BCL11B: variants seen among roughly 807,000 people sequenced by gnomAD.
The protein encoded by BCL11B is BCL11 transcription factor B.
A neutral mutation model predicts 49.9 loss-of-function variants in BCL11B; 8 were observed. The observed-to-expected ratio is 0.16, with a 90% CI of 0.09 to 0.29. The LOEUF is 0.29. Among genes scored for constraint, BCL11B ranks in the 10% least tolerant of loss-of-function variants. The pLI, the probability that BCL11B is intolerant of heterozygous loss-of-function variation, is 1.00. For missense variants in BCL11B, 1,006 were observed against 1,351.0 expected, an observed-to-expected ratio of 0.74 and a Z score of 4.00; for synonymous variants, 739 against 637.4, an observed-to-expected ratio of 1.16 and a Z score of -2.40.
chr14:99,238,432 C>T lies in BCL11B; in HGVS notation c.428-6875G>A, dbSNP rs116826778. On this transcript the variant is annotated intron_variant, in intron 2 of 3. Coordinates refer to ENST00000357195, the MANE Select transcript of BCL11B (RefSeq NM_138576.4). The stretch of plus-strand genomic sequence containing the variant: ...CCTCAAGATGCAGGCAGCTGAAATA[C>T]TCCAGGGCTGCTGATCCCCTTTCTG... 2.8e-3 allele frequency among the ~76,000 whole-genome samples: 429 copies of T among 152,304 alleles called. 2 individuals are homozygous for T. The highest frequency in any genetic ancestry group is 9.9e-3 in the African/African-American group (412 of 41,562).
At chr14:99,200,106 G>A (rs959634822) in intron 3 of BCL11B, among the ~76,000 whole-genome samples, 2 of 151,444 alleles carry the variant, frequency 1.3e-5, no homozygotes, top group Admixed American at 6.6e-5. Flanking sequence ...AGGGACTCTC[G>A]TCTTTTTTTT....
chr14:99,216,056 C>T lies in BCL11B; in HGVS notation c.640+15289G>A, dbSNP rs1026640456. Among the ~76,000 whole-genome samples, 16 of 152,282 alleles carry T rather than the reference C, an allele frequency of 1.1e-4. No homozygotes were observed. The East Asian group carries it at 2.3e-3, about 22-fold the overall frequency. On this transcript the variant is annotated intron_variant, in intron 3 of 3. Coordinates refer to ENST00000357195, the MANE Select transcript of BCL11B (RefSeq NM_138576.4). The stretch of plus-strand genomic sequence containing the variant: ...ATAATAATAATCATAGTTATAACAA[C>T]GATAAAAAGATAGCAGTAATGCCTG...
intron 1 of BCL11B, among the ~76,000 whole-genome samples, chr14:99,269,520 C>G (rs921633280): frequency 1.5e-5 from 2 of 131,310 alleles, no homozygotes; most frequent in South Asian, 2.4e-4. Flanking sequence ...TCTATTCCCC[C>G]CCCCCCAAAA....
At chr14:99,198,039 T>C (rs183188129) in intron 3 of BCL11B, among the ~76,000 whole-genome samples, 18 of 152,296 alleles carry the variant, frequency 1.2e-4, no homozygotes, top group African/African-American at 3.6e-4. Flanking sequence ...CCCTGATCCA[T>C]CGAAGGGCTG....
In BCL11B at chr14:99,205,995, G is replaced by C. The variant is rs56136956; in HGVS notation, c.640+25350C>G. ...AAGTACCCCCGATACCCTCAACAGA[G>C]GACCGAGGCTTTGGGGAAGGAACAC... On this transcript the variant is annotated intron_variant, in intron 3 of 3. Transcript: ENST00000357195. The surrounding 1 kb of genome is among the most constrained non-coding windows in gnomAD (Gnocchi z 5.0). Among the ~76,000 whole-genome samples, 57 of 152,272 alleles carry C rather than the reference G, an allele frequency of 3.7e-4. No individual in the cohort carries two copies. The highest frequency in any genetic ancestry group is 2.1e-3 in the East Asian group (11 of 5,152).
chr14:99,257,591 G>C lies in BCL11B; in HGVS notation c.307C>G (p.Arg103Gly), dbSNP rs201749852. 1.2e-6 allele frequency: 2 copies of C among 1,614,102 alleles called. No individual in the cohort carries two copies. Among genetic ancestry groups the C allele is most frequent in the Non-Finnish European group, 1.7e-6 (2 of 1,179,994 alleles). Residue 103 changes from arginine to glycine, a missense_variant, in exon 2 of 4, where the codon CGC (arginine) becomes GGC (glycine). Coordinates refer to ENST00000357195, the MANE Select transcript of BCL11B (RefSeq NM_138576.4). This position sits in a 1 kb window ranked among gnomAD's most constrained non-coding sequence, Gnocchi z 6.2. ...LDKDSPPPSS[R>G]SELRKVSEPV... Reference sequence around the variant, plus strand: ...TCGGACACTTTCCTGAGCTCGGAGCGTGAGGAGGGTGGCGGGCTGTCCTTG... The same window carrying C: ...TCGGACACTTTCCTGAGCTCGGAGCCTGAGGAGGGTGGCGGGCTGTCCTTG...
chr14:99,230,575 C>G (rs939571343), intron 3 of BCL11B, among the ~76,000 whole-genome samples: 4 of 152,206 alleles, frequency 2.6e-5, no homozygotes, highest in Admixed American at 1.3e-4. Flanking sequence ...TCCCAGAGAC[C>G]CTAGGCAGAA....
chr14:99,215,762 G>C (rs574211288), intron 3 of BCL11B, among the ~76,000 whole-genome samples: 1 of 152,332 alleles, frequency 6.6e-6, no homozygotes, highest in African/African-American at 2.4e-5. Flanking sequence ...GAGAGAGAAA[G>C]AGGGAGAAAA....
At chr14:99,214,913 C>T (rs73342736) in intron 3 of BCL11B, among the ~76,000 whole-genome samples, 1 of 152,174 alleles carries the variant, frequency 6.6e-6, no homozygotes, top group African/African-American at 2.4e-5. Flanking sequence ...AGCCATCTCC[C>T]GGCTGAAGAA....
At chr14:99,183,643 C>T (rs1010499783) in intron 3 of BCL11B, among the ~76,000 whole-genome samples, 5 of 152,036 alleles carry the variant, frequency 3.3e-5, no homozygotes, top group Admixed American at 2.6e-4. Context: ...GATGAGGGCT[C>T]GTCGTGGTAA....
At chr14:99,200,757 G>A (rs1367496186) in intron 3 of BCL11B, among the ~76,000 whole-genome samples, 1 of 152,330 alleles carries the variant, frequency 6.6e-6, no homozygotes, top group African/African-American at 2.4e-5. Context: ...GATGGAATGA[G>A]AGCCGGCAAG....
At chr14:99,260,029 A>G (rs1889290181) in intron 1 of BCL11B, among the ~76,000 whole-genome samples, 1 of 152,206 alleles carries the variant, frequency 6.6e-6, no homozygotes, top group Non-Finnish European at 1.5e-5. Flanking sequence ...GCCAAAGGAG[A>G]GCACTGTAAA....
intron 3 of BCL11B, among the ~76,000 whole-genome samples, chr14:99,188,080 G>A (rs191897570): frequency 6.6e-6 from 1 of 152,308 alleles, no homozygotes; most frequent in East Asian, 1.9e-4. Context: ...AGTGGCGTTA[G>A]AGCAAAAGTG....
Position 99,176,876 on chromosome 14 carries a change from G to T in BCL11B, c.641-681C>A, listed in dbSNP as rs1313600994. On this transcript the variant is annotated intron_variant, in intron 3 of 3. Coordinates refer to ENST00000357195, the MANE Select transcript of BCL11B (RefSeq NM_138576.4). ...CCAATTCTGATAATATTTGATTCCA[G>T]GGAGTTGTACAGAAACACAAATCAA... Among the ~76,000 whole-genome samples the T allele has an allele frequency of 2.0e-4, 30 of 152,090 alleles. 1 individual carries two copies. The highest frequency in any genetic ancestry group is 1.8e-3 in the Admixed American group (28 of 15,276).
intron 3 of BCL11B, among the ~76,000 whole-genome samples, chr14:99,199,683 T>TGCGCGCGCAC (rs1555378686): frequency 2.7e-5 from 2 of 73,644 alleles, no homozygotes; most frequent in African/African-American, 6.8e-5. Context: ...TGTGTGTGTG[T>TGCGCGCGCAC]GCGCGCGCGC....
At chr14:99,185,748 C>T (rs188234136) in intron 3 of BCL11B, among the ~76,000 whole-genome samples, 4 of 151,728 alleles carry the variant, frequency 2.6e-5, no homozygotes, top group African/African-American at 7.3e-5. Flanking sequence ...CCCGCACACT[C>T]GCCCTCCTGA....
chr14:99,261,316 A>C (rs1443789977), intron 1 of BCL11B, among the ~76,000 whole-genome samples: 1 of 152,150 alleles, frequency 6.6e-6, no homozygotes, highest in Non-Finnish European at 1.5e-5. Context: ...GGGTGCCTGC[A>C]TATGTGTGCA....
chr14:99,181,238 G>C (rs1323515081), intron 3 of BCL11B, among the ~76,000 whole-genome samples: 1 of 152,160 alleles, frequency 6.6e-6, no homozygotes, highest in Non-Finnish European at 1.5e-5. Flanking sequence ...CCTGAGGTTG[G>C]GGGGCTAAAG....
rs534295637 is a variant in BCL11B at position 99,232,356 on chromosome 14, T to C, written c.428-799A>G. On this transcript the variant is annotated intron_variant, in intron 2 of 3. Coordinates refer to ENST00000357195, the MANE Select transcript of BCL11B (RefSeq NM_138576.4). This position sits in a 1 kb window ranked among gnomAD's most constrained non-coding sequence, Gnocchi z 5.1. ...CTCCACAGCAAGGCCTGCATTTGAT[T>C]TAGCCGTTTATCTTAAATGGCTAAG... 2.0e-5 allele frequency among the ~76,000 whole-genome samples: 3 copies of C among 152,360 alleles called. No homozygotes were observed. Among genetic ancestry groups the C allele is most frequent in the East Asian group, 3.9e-4 (2 of 5,184 alleles).
Sources: allele counts gnomAD v4.1 joint callset (sites outside exome capture counted in the v4.1 genomes callset), GRCh38; gene constraint gnomAD v4.1.1; non-coding constraint Gnocchi (gnomAD v3.1); transcripts MANE v1.5; gene names NCBI Gene and HGNC (gene_info 2026-07-23, HGNC 2026-07-21).